Variants in NUTM2D observed in about 807,000 individuals in gnomAD.
NUTM2D encodes NUT family member 2D.
In NUTM2D, 2 loss-of-function variants were observed where a neutral mutation model predicts 43.5. That is an observed-to-expected ratio of 0.05 (90% CI 0.02 to 0.14). NUTM2D has a LOEUF of 0.14. Among genes scored for constraint, NUTM2D ranks in the 10% least tolerant of loss-of-function variants. The pLI, the probability that NUTM2D is intolerant of heterozygous loss-of-function variation, is 1.00. For missense variants in NUTM2D, 48 were observed against 668.7 expected (o/e 0.07, Z 10.24); for synonymous variants, 24 against 276.6 (o/e 0.09, Z 9.06).
chr10:87,369,948 CT>C (rs1850339343), downstream of NUTM2D: 3 of 152,150 alleles, frequency 2.0e-5, no homozygotes, highest in South Asian at 6.2e-4. Flanking sequence ...AGTGAACATG[CT>C]GTGCTTTCTG....
At chr10:87,364,467 G>A in intron 4 of NUTM2D, 89 bp downstream of exon 4, 1 of 24,662 alleles carries the variant, frequency 4.1e-5, no homozygotes, top group East Asian at 3.1e-3. Context: ...GCTTCCCTTC[G>A]AGAGGGGGAT....
In NUTM2D at chr10:87,364,837, G is replaced by C; in HGVS notation, c.1152G>C (p.Lys384Asn). The C allele has an allele frequency of 1.6e-6, 1 of 622,574 alleles. No individual in the cohort carries two copies. The highest frequency in any genetic ancestry group is 2.0e-5 in the South Asian group (1 of 48,960). The allele number at this position is 622,574 out of a possible 1,614,324, so 38.6% of individuals were successfully genotyped here. The part of the protein sequence containing the change: ...VVKQPVYLPS[K>N]AGPKAPTACL... ...CTGCCTCAGTGTACCTTCCCAGCAA[G>C]GCCGGCCCCAAGGCCCCGACTGCCT... The change falls in exon 5 of 7, where the codon AAG becomes AAC. Residue 384 changes from lysine (K) to asparagine (N), a missense_variant. Transcript: ENST00000381697.
downstream of NUTM2D, chr10:87,367,293 G>A (rs1321751390): frequency 6.2e-7 from 1 of 1,607,130 alleles, no homozygotes; most frequent in Non-Finnish European, 8.5e-7. Context: ...CAGGCTCTGG[G>A]AACCCACAGA....
intron 1 of NUTM2D, among the ~76,000 whole-genome samples, chr10:87,358,750 T>G (rs1205469445): frequency 1.5e-5 from 1 of 67,334 alleles, no homozygotes; most frequent in Non-Finnish European, 2.9e-5. Flanking sequence ...GGTGGGATCA[T>G]GTTGTGCTGG....
chr10:87,367,264 C>T, downstream of NUTM2D: 1 of 1,549,494 alleles, frequency 6.5e-7, no homozygotes, highest in East Asian at 2.3e-5. Flanking sequence ...TGAGGGAGGG[C>T]AGAGGAACTG....
chr10:87,360,183 T>C (rs1489741025), intron 1 of NUTM2D, among the ~76,000 whole-genome samples: 1 of 90,968 alleles, frequency 1.1e-5, no homozygotes, highest in African/African-American at 4.8e-5. Flanking sequence ...GCTTGGGAGA[T>C]GCCTGTGAGG....
At chr10:87,368,153 G>GC (rs1850321277), downstream of NUTM2D, 1 of 152,232 alleles carries the variant, frequency 6.6e-6, no homozygotes, top group African/African-American at 2.4e-5. Flanking sequence ...GATGAGGACT[G>GC]CATCAGGAGA....
chr10:87,365,242 G>C, intron 5 of NUTM2D, 39 bp downstream of exon 5: 1 of 1,490,470 alleles, frequency 6.7e-7, no homozygotes, highest in East Asian at 2.4e-5. Flanking sequence ...CTGGATTCCA[G>C]GGGGTGGCAC....
downstream of NUTM2D, chr10:87,369,758 C>T (rs1450533352): frequency 5.4e-5 from 8 of 149,110 alleles, no homozygotes; most frequent in Admixed American, 1.3e-4. Context: ...GGCTCTTGGT[C>T]GGCTTGGCCT....
downstream of NUTM2D, chr10:87,367,530 C>T (rs1220172342): frequency 1.6e-6 from 1 of 610,308 alleles, no homozygotes; most frequent in Non-Finnish European, 2.9e-6. Flanking sequence ...GAGGAGAAGG[C>T]AGCCGCCTGC....
In NUTM2D at chr10:87,366,187, GCAGCCCCTAGTCGTGGCA is replaced by G. The variant is rs1427921805; in HGVS notation, c.1691_1708del (p.Pro564_Ala569del). The G allele has an allele frequency of 1.3e-6, 2 of 1,598,954 alleles. No homozygotes were observed. Among genetic ancestry groups the G allele is most frequent in the African/African-American group, 2.7e-5 (2 of 74,502 alleles). On this transcript the variant is annotated inframe_deletion, in exon 7 of 7. Coordinates refer to ENST00000381697, the MANE Select transcript of NUTM2D (RefSeq NM_001382304.1). ...CTTGAAGGAGAAACAGCATGCGAGG[GCAGCCCCTAGTCGTGGCA>G]CAGCCCGGTTGGACTCAAGTTCTTC...
chr10:87,370,387 CCA>C (rs1850343348), downstream of NUTM2D: 1 of 152,174 alleles, frequency 6.6e-6, no homozygotes, highest in Admixed American at 6.5e-5. Context: ...CAGACTGTTC[CCA>C]GTGTACATGA....
intron 1 of NUTM2D, among the ~76,000 whole-genome samples, chr10:87,360,215 AC>A (rs2131727966): frequency 1.4e-5 from 1 of 70,104 alleles, no homozygotes; most frequent in East Asian, 3.7e-4. Context: ...TGCCAGGGAC[AC>A]CCGAGGGAGA....
Position 87,361,016 on chromosome 10 carries a change from C to T in NUTM2D, c.702C>T (p.His234=), listed in dbSNP as rs200025867. 221 of 1,068,560 alleles carry T rather than the reference C, an allele frequency of 2.1e-4. 17 individuals carry two copies. The highest frequency in any genetic ancestry group is 7.3e-4 in the South Asian group (50 of 68,208). 66.2% of individuals were successfully genotyped at this position (1,068,560 alleles called of 1,614,324 possible). The part of the protein sequence containing the change: ...GNAGPWPQGA[H]GEGSLASSQA... ...CTGGGCCATGGCCACAAGGGGCTCACGGAGAGGGCAGCCTGGCTTCCTCCC... is the reference window on the plus strand; with the variant it reads ...CTGGGCCATGGCCACAAGGGGCTCATGGAGAGGGCAGCCTGGCTTCCTCCC... Residue 234 remains histidine, a synonymous_variant, in exon 2 of 7, where the codon CAC becomes CAT. Coordinates refer to ENST00000381697, the MANE Select transcript of NUTM2D (RefSeq NM_001382304.1).
downstream of NUTM2D, chr10:87,369,425 C>T (rs1022630914): frequency 6.6e-6 from 1 of 150,986 alleles, no homozygotes; most frequent in African/African-American, 2.4e-5. Flanking sequence ...GTGACAAATA[C>T]ATTTCTTTTT....
downstream of NUTM2D, chr10:87,369,337 A>G (rs1232892070): frequency 1.3e-5 from 2 of 152,086 alleles, no homozygotes; most frequent in Non-Finnish European, 2.9e-5. Context: ...GAAGGCGGCC[A>G]TCTGCAAGCC....
At chr10:87,367,347 A>T, downstream of NUTM2D, 1 of 1,608,616 alleles carries the variant, frequency 6.2e-7, no homozygotes, top group Non-Finnish European at 8.5e-7. Context: ...GCCCCTTCAG[A>T]TGCTCCAGGG....
chr10:87,367,272 C>G (rs1178001805), downstream of NUTM2D: 8 of 1,581,374 alleles, frequency 5.1e-6, no homozygotes, highest in East Asian at 1.8e-4. Flanking sequence ...GGCAGAGGAA[C>G]TGGCAGATGC....
chr10:87,359,734 CAG>C (rs1392449864), intron 1 of NUTM2D, among the ~76,000 whole-genome samples: 3 of 135,240 alleles, frequency 2.2e-5, no homozygotes, highest in Non-Finnish European at 4.7e-5. Context: ...GACACTGTCT[CAG>C]GGGACTCCAC....
Sources: allele counts gnomAD v4.1 joint callset (sites outside exome capture counted in the v4.1 genomes callset), GRCh38; gene constraint gnomAD v4.1.1; transcripts MANE v1.5; gene names NCBI Gene and HGNC (gene_info 2026-07-23, HGNC 2026-07-21).